The following SPATA7 variants were observed in gnomAD, a reference collection of about 807,000 sequenced individuals.
The protein encoded by SPATA7 is spermatogenesis-associated protein 7.
A neutral mutation model predicts 51.8 loss-of-function variants in SPATA7; 43 were observed. The ratio of observed to expected loss-of-function variants is 0.83; its 90% CI spans 0.65 to 1.07. SPATA7 has a LOEUF of 1.07. Ranked by LOEUF, SPATA7 falls within the 50% of genes least tolerant of loss-of-function variation. The pLI is 0.00. For synonymous variants in SPATA7, 230 were observed against 252.8 expected, an observed-to-expected ratio of 0.91 and a Z score of 0.86; for missense variants, 683 against 701.3, an observed-to-expected ratio of 0.97 and a Z score of 0.30.
At chr14:88,407,380 T>G (rs1409897232) in intron 4 of SPATA7, among the ~76,000 whole-genome samples, 3 of 152,248 alleles carry the variant, frequency 2.0e-5, no homozygotes, top group Non-Finnish European at 4.4e-5. Flanking sequence ...ATGATTAGCT[T>G]TTTTTCATGT....
At chr14:88,419,240 T>G (rs999462507) in intron 5 of SPATA7, among the ~76,000 whole-genome samples, 5 of 152,100 alleles carry the variant, frequency 3.3e-5, no homozygotes, top group Non-Finnish European at 7.4e-5. Flanking sequence ...TTAGAGATAT[T>G]AGAGATACAG....
chr14:88,423,960 TA>T (rs967279473), intron 5 of SPATA7, among the ~76,000 whole-genome samples: 9 of 152,172 alleles, frequency 5.9e-5, no homozygotes, highest in Non-Finnish European at 1.3e-4. Flanking sequence ...TTCTGTATTG[TA>T]AAATTCTTGA....
At chr14:88,466,488 C>G (rs1360720568) in intron 4 of SPATA7, 2 of 152,094 alleles carry the variant, frequency 1.3e-5, no homozygotes, top group African/African-American at 2.4e-5. Flanking sequence ...ACATGGGAAT[C>G]AAAATGATGC....
chr14:88,431,319 CTCT>C, intron 9 of SPATA7, 94 bp downstream of exon 9: 4 of 1,260,018 alleles, frequency 3.2e-6, no homozygotes, highest in Non-Finnish European at 3.5e-6. Flanking sequence ...GAACAATAAT[CTCT>C]TTTTTTAAAA....
At chr14:88,447,949 G>C (rs945277186) in intron 3 of SPATA7, among the ~76,000 whole-genome samples, 1 of 150,948 alleles carries the variant, frequency 6.6e-6, no homozygotes, top group Non-Finnish European at 1.5e-5. Flanking sequence ...TGGTGAATCT[G>C]ACAATTATGT....
intron 5 of SPATA7, among the ~76,000 whole-genome samples, chr14:88,423,992 A>G (rs1347224688): frequency 1.3e-5 from 2 of 152,224 alleles, no homozygotes; most frequent in Non-Finnish European, 2.9e-5. Flanking sequence ...TGATGAGTAT[A>G]TAAACTATGT....
chr14:88,394,801 C>A (rs2139878241), intron 3 of SPATA7, among the ~76,000 whole-genome samples: 1 of 152,262 alleles, frequency 6.6e-6, no homozygotes, highest in East Asian at 1.9e-4. Context: ...TTGGCGTTGA[C>A]AGTCCTTTTT....
rs529045332 is a variant in SPATA7, at chr14:88,453,573, G to A, written c.178-1487G>A. Among the ~76,000 whole-genome samples, 3 of 152,320 alleles carry A rather than the reference G, an allele frequency of 2.0e-5. No individual in the cohort carries two copies. The South Asian group carries it at 6.2e-4, about 32-fold the overall frequency. ...TTGATTTCTCAGACCTCACGGGGAT[G>A]AAGGGCCTTGGTTTTAAAGAGCTCG... On this transcript the variant is annotated intron_variant, in intron 3 of 3. Coordinates refer to the SPATA7 transcript ENST00000554802.
At chr14:88,441,851 A>T (rs77014495), downstream of SPATA7, among the ~76,000 whole-genome samples, 3,960 of 152,218 alleles carry the variant, frequency 0.026, 179 homozygotes, top group African/African-American at 0.09. Flanking sequence ...TTACCTAAGT[A>T]TCATCTGTTT....
At chr14:88,414,306 A>C (rs1358434818) in intron 4 of SPATA7, among the ~76,000 whole-genome samples, 3 of 152,090 alleles carry the variant, frequency 2.0e-5, no homozygotes, top group Non-Finnish European at 4.4e-5. Context: ...TGTTTCCAGA[A>C]ATTTATCTAT....
intron 4 of SPATA7, among the ~76,000 whole-genome samples, chr14:88,398,701 A>G (rs1282505304): frequency 1.3e-5 from 2 of 152,180 alleles, no homozygotes; most frequent in Non-Finnish European, 2.9e-5. Flanking sequence ...CTAAGTTTCT[A>G]AGTTTTCTAA....
chr14:88,434,105 A>G (rs756910799), intron 10 of SPATA7, among the ~76,000 whole-genome samples: 32 of 152,194 alleles, frequency 2.1e-4, no homozygotes, highest in Non-Finnish European at 4.0e-4. Context: ...GGTTAAGATG[A>G]TAAGTTTGGT....
At chr14:88,435,222 T>C (rs2077051816) in intron 10 of SPATA7, among the ~76,000 whole-genome samples, 1 of 152,204 alleles carries the variant, frequency 6.6e-6, no homozygotes, top group Non-Finnish European at 1.5e-5. Context: ...TGGAAATTAA[T>C]AGGTGATAAC....
At chr14:88,391,294 A>T in intron 1 of SPATA7, 87 bp from the exon 2 acceptor site, 2 of 1,102,794 alleles carry the variant, frequency 1.8e-6, no homozygotes, top group Non-Finnish European at 2.6e-6. Flanking sequence ...TGATAAATTT[A>T]TTATTTAAAA....
chr14:88,440,113 C>T (rs1367365544), downstream of SPATA7, among the ~76,000 whole-genome samples: 1 of 152,168 alleles, frequency 6.6e-6, no homozygotes, highest in Non-Finnish European at 1.5e-5. Flanking sequence ...CACTCTTTCA[C>T]AAACCCCCTC....
intron 4 of SPATA7, among the ~76,000 whole-genome samples, chr14:88,462,885 G>A (rs113957099): frequency 0.017 from 2,623 of 152,144 alleles, 80 homozygotes; most frequent in African/African-American, 0.06. Context: ...CTTGTCATCC[G>A]TTTGTCCCTA....
chr14:88,389,903 A>G (rs183668817), intron 1 of SPATA7, among the ~76,000 whole-genome samples: 1 of 152,306 alleles, frequency 6.6e-6, no homozygotes, highest in East Asian at 1.9e-4. Flanking sequence ...TACAGCTGAG[A>G]TATCTTCTTG....
chr14:88,461,430 C>T (rs897832433), intron 4 of SPATA7, among the ~76,000 whole-genome samples: 6 of 152,168 alleles, frequency 3.9e-5, no homozygotes, highest in East Asian at 1.9e-4. Flanking sequence ...CCCCCAGCCT[C>T]GCTGCCATCT....
intron 3 of SPATA7, among the ~76,000 whole-genome samples, chr14:88,447,091 G>T (rs1293083217): frequency 1.5e-4 from 22 of 151,016 alleles, no homozygotes; most frequent in Admixed American, 7.9e-4. Flanking sequence ...GGGTGTTAAA[G>T]TCTCCCATTA....
Sources: allele counts gnomAD v4.1 joint callset (sites outside exome capture counted in the v4.1 genomes callset), GRCh38; gene constraint gnomAD v4.1.1; transcripts MANE v1.5; gene names NCBI Gene and HGNC (gene_info 2026-07-23, HGNC 2026-07-21).